ANKDD1A: variants seen among roughly 807,000 people sequenced by gnomAD.
The protein encoded by ANKDD1A is ankyrin repeat and death domain containing 1A.
Under a neutral mutation model 63.5 loss-of-function variants are expected in ANKDD1A, and 59 were observed. The observed-to-expected ratio is 0.93, with a 90% CI of 0.75 to 1.15. The LOEUF (loss-of-function observed/expected upper bound fraction) is 1.15, where lower values mean the gene tolerates loss of function less well. Ranked by LOEUF, ANKDD1A falls within the 50% of genes most tolerant of loss-of-function variation. The pLI, the probability that ANKDD1A is intolerant of heterozygous loss-of-function variation, is 0.00. For synonymous variants in ANKDD1A, 266 were observed against 263.9 expected (o/e 1.01, Z -0.08); for missense variants, 632 against 656.4 (o/e 0.96, Z 0.41).
chr15:64,930,952 T>C (rs1039368109), intron 7 of ANKDD1A, 32 bp downstream of exon 7: 36 of 1,597,858 alleles, frequency 2.3e-5, no homozygotes, highest in Non-Finnish European at 2.8e-5. Flanking sequence ...GCGAGATGCA[T>C]GACCCTTGCT....
chr15:64,915,280 G>C (rs1341401030), intron 1 of ANKDD1A, among the ~76,000 whole-genome samples: 1 of 152,184 alleles, frequency 6.6e-6, no homozygotes, highest in Non-Finnish European at 1.5e-5. Context: ...ACTCCAGCCT[G>C]GGCAACAGAG....
At chr15:64,942,413 G>A in intron 9 of ANKDD1A, 54 bp from the exon 10 acceptor site, 1 of 1,408,890 alleles carries the variant, frequency 7.1e-7, no homozygotes, top group East Asian at 2.5e-5. Context: ...CCAGCCTGCA[G>A]CTGGGCAGTC....
At position 64,942,469 on chromosome 15, in the gene ANKDD1A, G is replaced by GGGTGCCTGT. The variant is rs910816603; in HGVS notation, c.877_878insGTGGTGCCT (p.Ala292_Ser293insCysGlyAla). 1.9e-6 allele frequency: 3 copies of GGGTGCCTGT among 1,610,314 alleles called. No homozygotes were observed. The highest frequency in any genetic ancestry group is 2.5e-6 in the Non-Finnish European group (3 of 1,178,046). ...GATCCGTGTATCTCCTCCCACAGCA[G>GGGTGCCTGT]GGTGCCTCTCCTCTGCACCTCGCTG... is the stretch of plus-strand genomic sequence containing the variant. On this transcript the variant is annotated inframe_insertion, in exon 10 of 15. Transcript: ENST00000319580.
intron 14 of ANKDD1A, among the ~76,000 whole-genome samples, chr15:64,953,315 TTTC>T (rs762631494): frequency 6.6e-6 from 1 of 150,958 alleles, no homozygotes; most frequent in Admixed American, 6.6e-5. Context: ...TACTTTTTTC[TTTC>T]TTCTTTCCTT....
intron 2 of ANKDD1A, among the ~76,000 whole-genome samples, chr15:64,916,287 A>G (rs748811482): frequency 1.6e-4 from 24 of 151,966 alleles, no homozygotes; most frequent in Admixed American, 3.3e-4. Flanking sequence ...TCCCTCTGTG[A>G]TAAGTTGTCG....
At chr15:64,937,477 C>T (rs1162995574) in intron 9 of ANKDD1A, among the ~76,000 whole-genome samples, 1 of 152,034 alleles carries the variant, frequency 6.6e-6, no homozygotes, top group Admixed American at 6.6e-5. Context: ...ACCTGTAATC[C>T]CAGCACTTTG....
intron 11 of ANKDD1A, 105 bp downstream of exon 11, chr15:64,943,687 G>A (rs746192595): frequency 1.6e-5 from 18 of 1,091,192 alleles, no homozygotes; most frequent in African/African-American, 3.1e-5. Flanking sequence ...GGGTGTTCAA[G>A]GACTGTCATC....
intron 14 of ANKDD1A, among the ~76,000 whole-genome samples, chr15:64,953,630 C>T (rs61726440): frequency 4.8e-5 from 1 of 20,724 alleles, no homozygotes; most frequent in Non-Finnish European, 1.7e-4. Context: ...TCTTCTTCTT[C>T]CTTCTTCTTC....
chr15:64,950,145 C>A, intron 14 of ANKDD1A, 173 bp downstream of exon 14: 1 of 985,414 alleles, frequency 1.0e-6, no homozygotes, highest in South Asian at 4.7e-5. Context: ...ACAGTGCCTC[C>A]TGGCCCTGGT....
In ANKDD1A at chr15:64,958,115, C is replaced by CAAAG. The variant is rs1555398467; in HGVS notation, c.*929_*932dup. 6.6e-6 allele frequency: 1 copy of CAAAG among 152,070 alleles called. No individual in the cohort carries two copies. The highest frequency in any genetic ancestry group is 1.5e-5 in the Non-Finnish European group (1 of 68,024). 9.4% of individuals were successfully genotyped at this position (152,070 alleles called of 1,614,324 possible). On this transcript the variant is annotated 3_prime_UTR_variant, in exon 15 of 15. Coordinates refer to ENST00000319580, the MANE Select transcript of ANKDD1A (RefSeq NM_182703.6). ...TGACATGCTGGAACAGGCAAAACTA[C>CAAAG]AAAGACAGTAAAAAGATCAGTGATT...
Position 64,949,943 on chromosome 15 carries a change from T to A in ANKDD1A, c.1454T>A (p.Leu485His). The change falls in exon 14 of 15, where the codon CTC (leucine) becomes CAC (histidine). Residue 485 changes from leucine (L) to histidine (H), a missense_variant. Coordinates refer to ENST00000319580, the MANE Select transcript of ANKDD1A (RefSeq NM_182703.6). ...CCCAGCAAAGCGCTGTTCGAGGGCC[T>A]CGTGGCCATTGGCAGGAGGGACCTG... is the stretch of plus-strand genomic sequence containing the variant. ...ENPSKALFEG[L>H]VAIGRRDLAG... is the part of the protein sequence containing the mutation. 1.9e-6 allele frequency: 3 copies of A among 1,610,074 alleles called. No homozygotes were observed. Among genetic ancestry groups the A allele is most frequent in the South Asian group, 2.2e-5 (2 of 91,084 alleles).
At position 64,917,229 on chromosome 15, in the gene ANKDD1A, T is replaced by C. The variant is rs138062814; in HGVS notation, c.139-157T>C. Among the ~76,000 whole-genome samples the C allele has an allele frequency of 9.1e-4, 138 of 152,092 alleles. 1 individual carries two copies. Among genetic ancestry groups the C allele is most frequent in the Non-Finnish European group, 1.6e-3 (106 of 67,928 alleles). On this transcript the variant is annotated intron_variant, in intron 2 of 14. Coordinates refer to ENST00000319580, the MANE Select transcript of ANKDD1A (RefSeq NM_182703.6). Reference sequence around the variant, plus strand: ...CTGGCTGCCATGTAGGAGAGGAGCATGTGGCAGAATGGGGCTGGGTCCCCA... The same window carrying C: ...CTGGCTGCCATGTAGGAGAGGAGCACGTGGCAGAATGGGGCTGGGTCCCCA...
chr15:64,942,436 G>A lies in ANKDD1A; in HGVS notation c.868-31G>A, dbSNP rs200074748. The A allele has an allele frequency of 9.1e-4, 1,415 of 1,552,830 alleles. 1 individual carries two copies. The highest frequency in any genetic ancestry group is 1.1e-3 in the Non-Finnish European group (1,300 of 1,134,522). On this transcript the variant is annotated intron_variant, in intron 9 of 14. Transcript: ENST00000319580. ...CAGCTGGGCAGTCCTGGGAGGGACTGGTCGATTGATCCGTGTATCTCCTCC... is the reference window on the plus strand; with the variant it reads ...CAGCTGGGCAGTCCTGGGAGGGACTAGTCGATTGATCCGTGTATCTCCTCC...
chr15:64,930,738 G>C, intron 6 of ANKDD1A, 84 bp from the exon 7 acceptor site: 2 of 1,376,628 alleles, frequency 1.5e-6, no homozygotes, highest in South Asian at 2.6e-5. Context: ...CACTGACCCA[G>C]TGTGCATGGC....
chr15:64,914,924 G>C (rs1391421928), intron 1 of ANKDD1A, among the ~76,000 whole-genome samples: 1 of 152,172 alleles, frequency 6.6e-6, no homozygotes, highest in African/African-American at 2.4e-5. Flanking sequence ...GGGGGTGAGA[G>C]GAGCACAGAG....
Position 64,937,376 on chromosome 15 carries a change from G to T in ANKDD1A, c.867+3142G>T, listed in dbSNP as rs140512548. Among the ~76,000 whole-genome samples, 567 of 152,244 alleles carry T rather than the reference G, an allele frequency of 3.7e-3. 1 individual carries two copies. Among genetic ancestry groups the T allele is most frequent in the South Asian group, 0.017 (81 of 4,820 alleles). Reference sequence around the variant, plus strand: ...AAATATTGAAACCCATGCTTAACTAGGAGACAATGTAATAAACTGTGGCCC... The same window carrying T: ...AAATATTGAAACCCATGCTTAACTATGAGACAATGTAATAAACTGTGGCCC... On this transcript the variant is annotated intron_variant, in intron 9 of 14. Coordinates refer to ENST00000319580, the MANE Select transcript of ANKDD1A (RefSeq NM_182703.6).
intron 4 of ANKDD1A, among the ~76,000 whole-genome samples, chr15:64,922,812 G>T (rs1282077716): frequency 6.6e-6 from 1 of 152,056 alleles, no homozygotes; most frequent in Non-Finnish European, 1.5e-5. Context: ...CGGCTAATTA[G>T]CATTTTTTCC....
chr15:64,937,972 C>T (rs189807008), intron 9 of ANKDD1A, among the ~76,000 whole-genome samples: 2 of 152,098 alleles, frequency 1.3e-5, no homozygotes, highest in African/African-American at 4.8e-5. Flanking sequence ...CATTAAAAAA[C>T]GATGATTAGG....
At chr15:64,931,426 T>G in intron 7 of ANKDD1A, 61 bp from the exon 8 acceptor site, 1 of 1,518,982 alleles carries the variant, frequency 6.6e-7, no homozygotes, top group Non-Finnish European at 9.0e-7. Context: ...CACCGTGGGA[T>G]TGGGGGTCAC....
Sources: gnomAD v4.1 joint callset for allele counts (sites outside exome capture counted in the v4.1 genomes callset) on GRCh38, gnomAD v4.1.1 for gene constraint, MANE v1.5 for transcripts, NCBI Gene and HGNC (gene_info 2026-07-23, HGNC 2026-07-21) for gene names.